Variants in ASNS observed in about 807,000 individuals in gnomAD.
ASNS encodes the protein asparagine synthetase [glutamine-hydrolyzing].
A neutral mutation model predicts 62.6 loss-of-function variants in ASNS; 37 were observed. That is an observed-to-expected ratio of 0.59 (90% CI 0.45 to 0.78). The LOEUF (loss-of-function observed/expected upper bound fraction) is 0.78, where lower values mean the gene tolerates loss of function less well. ASNS is among the 30% of genes least tolerant of loss of function. ASNS has a pLI of 0.00. For synonymous variants in ASNS, 207 were observed against 237.9 expected (o/e 0.87, Z 1.19); for missense variants, 520 against 682.4 (o/e 0.76, Z 2.65).
chr7:97,886,233 C>T, the ASNS span, among the ~76,000 whole-genome samples: 1 of 152,162 alleles, frequency 6.6e-6, no homozygotes, highest in Non-Finnish European at 1.5e-5. Context: ...CTGAAACCTC[C>T]ACCTCCCGGG....
chr7:97,883,684 C>A, the ASNS span, among the ~76,000 whole-genome samples: 9 of 152,206 alleles, frequency 5.9e-5, no homozygotes, highest in East Asian at 1.4e-3. Flanking sequence ...TCTGCTGTGT[C>A]GGTTAACAAT....
chr7:97,910,583 T>A, the ASNS span, among the ~76,000 whole-genome samples: 1 of 149,576 alleles, frequency 6.7e-6, no homozygotes, highest in Admixed American at 6.8e-5. Flanking sequence ...GGAGTGTCCT[T>A]TTATTATGAG....
the ASNS span, among the ~76,000 whole-genome samples, chr7:97,921,835 C>T: frequency 3.3e-5 from 5 of 151,944 alleles, no homozygotes; most frequent in African/African-American, 7.3e-5. Context: ...GGGTGGGTGC[C>T]GGAGCATCTA....
chr7:97,896,344 T>C, the ASNS span, among the ~76,000 whole-genome samples: 2 of 151,452 alleles, frequency 1.3e-5, no homozygotes, highest in African/African-American at 2.4e-5. Context: ...ATCCCAGCAC[T>C]TTGGGAGGCC....
chr7:97,909,914 A>G, the ASNS span, among the ~76,000 whole-genome samples: 133,436 of 151,196 alleles, frequency 0.88, 58,940 homozygotes, highest in Middle Eastern at 0.92. Context: ...ACCAACACAC[A>G]CTGGCCTCCC....
At position 97,864,506 on chromosome 7, in the gene ASNS, C is replaced by T. The variant is rs202126429; in HGVS notation, c.250-10G>A. ...CAAAATGCTGTTGCATCTTAGGAAG[C>T]GAAAGCAAAACCAAAATGTTAGACT... On this transcript the variant is annotated splice_polypyrimidine_tract_variant and intron_variant, in intron 3 of 12. Coordinates refer to ENST00000394308, the MANE Select transcript of ASNS (RefSeq NM_001673.5). 547 of 1,609,854 alleles carry T rather than the reference C, an allele frequency of 3.4e-4. No homozygotes were observed. Among genetic ancestry groups the T allele is most frequent in the African/African-American group, 6.0e-4 (45 of 74,918 alleles).
chr7:97,925,734 G>T, the ASNS span, among the ~76,000 whole-genome samples: 25 of 152,242 alleles, frequency 1.6e-4, no homozygotes, highest in South Asian at 4.1e-4. Context: ...CGTTAATCAG[G>T]GATTTCAGGG....
Position 97,861,265 on chromosome 7 carries a change from G to A in ASNS, c.488-1867C>T, listed in dbSNP as rs556901489. Among the ~76,000 whole-genome samples the A allele has an allele frequency of 2.0e-4, 31 of 152,190 alleles. No homozygotes were observed. In the East Asian group the frequency reaches 5.8e-3, roughly 28 times the overall value. On this transcript the variant is annotated intron_variant, in intron 4 of 12. Coordinates refer to ENST00000394308, the MANE Select transcript of ASNS (RefSeq NM_001673.5). ...CTGACCTCGTGATCCACCCGCCTCG[G>A]CCTCCCAAAGTGCTGGGATTACAGG...
At chr7:97,882,981 G>A in the ASNS span, among the ~76,000 whole-genome samples, 1 of 152,226 alleles carries the variant, frequency 6.6e-6, no homozygotes, top group Non-Finnish European at 1.5e-5. Context: ...GGCTGGAAAT[G>A]CCAAGTGTGC....
At chr7:97,891,459 T>C in the ASNS span, among the ~76,000 whole-genome samples, 3 of 152,194 alleles carry the variant, frequency 2.0e-5, no homozygotes, top group Admixed American at 2.0e-4. Flanking sequence ...CCCCAAAGTC[T>C]TAACTAAGTT....
At chr7:97,878,121 C>T in the ASNS span, among the ~76,000 whole-genome samples, 18 of 152,194 alleles carry the variant, frequency 1.2e-4, no homozygotes, top group Non-Finnish European at 1.6e-4. Flanking sequence ...TGGAGTGGCT[C>T]ACACCTGTAA....
At chr7:97,903,902 T>G in the ASNS span, among the ~76,000 whole-genome samples, 1 of 152,198 alleles carries the variant, frequency 6.6e-6, no homozygotes, top group Non-Finnish European at 1.5e-5. Context: ...ATATAATTAG[T>G]ACAGGATATA....
At chr7:97,896,741 C>CACACATATATATATATAT in the ASNS span, among the ~76,000 whole-genome samples, 9 of 19,778 alleles carry the variant, frequency 4.6e-4, no homozygotes, top group Admixed American at 1.2e-3. Flanking sequence ...CACACACACA[C>CACACATATATATATATAT]ATATATATAT....
the ASNS span, among the ~76,000 whole-genome samples, chr7:97,910,456 G>A: frequency 5.3e-5 from 8 of 152,132 alleles, no homozygotes; most frequent in African/African-American, 1.4e-4. Flanking sequence ...CATTCATGAC[G>A]ATGGGCTTTA....
chr7:97,892,111 C>T, the ASNS span, among the ~76,000 whole-genome samples: 5 of 152,248 alleles, frequency 3.3e-5, no homozygotes, highest in African/African-American at 1.2e-4. Flanking sequence ...TCCCAAACCT[C>T]AATTTTTGAC....
At chr7:97,896,711 T>TAC in the ASNS span, among the ~76,000 whole-genome samples, 3,196 of 44,240 alleles carry the variant, frequency 0.072, 283 homozygotes, top group South Asian at 0.11. Context: ...TGTATATATA[T>TAC]ACACACACAC....
chr7:97,912,345 T>A, the ASNS span, among the ~76,000 whole-genome samples: 1 of 152,168 alleles, frequency 6.6e-6, no homozygotes. Context: ...GGCTGTTTTT[T>A]TGAGTTTTTT....
At chr7:97,909,907 A>G in the ASNS span, among the ~76,000 whole-genome samples, 1 of 151,974 alleles carries the variant, frequency 6.6e-6, no homozygotes, top group African/African-American at 2.4e-5. Flanking sequence ...CTCACTTACC[A>G]ACACACACTG....
chr7:97,898,626 T>G, the ASNS span: 4 of 651,206 alleles, frequency 6.1e-6, no homozygotes, highest in Non-Finnish European at 1.1e-5. Context: ...CATCATCTTC[T>G]TCTGGATTTG....
Sources: gnomAD v4.1 joint callset for allele counts (sites outside exome capture counted in the v4.1 genomes callset) on GRCh38, gnomAD v4.1.1 for gene constraint, MANE v1.5 for transcripts, NCBI Gene and HGNC (gene_info 2026-07-23, HGNC 2026-07-21) for gene names.